DUSP10: variants seen among roughly 807,000 people sequenced by gnomAD.
DUSP10 encodes dual specificity protein phosphatase 10.
Under a neutral mutation model 30.8 loss-of-function variants are expected in DUSP10, and 14 were observed. The ratio of observed to expected loss-of-function variants is 0.46; its 90% CI spans 0.30 to 0.71. The LOEUF (loss-of-function observed/expected upper bound fraction) is 0.71. Among genes scored for constraint, DUSP10 ranks in the 30% least tolerant of loss-of-function variants. The pLI, the probability that DUSP10 is intolerant of heterozygous loss-of-function variation, is 0.08. For missense variants in DUSP10, 550 were observed against 619.4 expected, an observed-to-expected ratio of 0.89 and a Z score of 1.19; for synonymous variants, 254 against 250.4, an observed-to-expected ratio of 1.01 and a Z score of -0.14.
At chr1:221,720,388 C>T (rs538976674) in intron 2 of DUSP10, among the ~76,000 whole-genome samples, 14 of 152,356 alleles carry the variant, frequency 9.2e-5, no homozygotes, top group African/African-American at 3.4e-4. Context: ...ATGAAGCCCC[C>T]ATAAACCCCA....
chr1:221,733,013 T>A (rs560590101), intron 2 of DUSP10, among the ~76,000 whole-genome samples: 3 of 152,380 alleles, frequency 2.0e-5, no homozygotes, highest in Admixed American at 1.3e-4. Flanking sequence ...ATGTAGTCTA[T>A]CTTTTTCAAC....
intron 2 of DUSP10, among the ~76,000 whole-genome samples, chr1:221,707,570 T>C (rs1660804019): frequency 6.6e-6 from 1 of 152,170 alleles, no homozygotes; most frequent in South Asian, 2.1e-4. Flanking sequence ...CCTGAACAAG[T>C]GCAATCTCAC....
At chr1:221,725,152 C>A (rs534217163) in intron 2 of DUSP10, among the ~76,000 whole-genome samples, 2 of 152,146 alleles carry the variant, frequency 1.3e-5, no homozygotes, top group Non-Finnish European at 2.9e-5. Flanking sequence ...CACCGCCCAG[C>A]CAACAGCTAG....
chr1:221,725,962 C>T (rs115210097), intron 2 of DUSP10, among the ~76,000 whole-genome samples: 1,715 of 152,300 alleles, frequency 0.011, 48 homozygotes, highest in East Asian at 0.061. Context: ...TTTTTAATAG[C>T]GCTGAGTGGT....
At chr1:221,736,908 C>T (rs1168351884) in intron 2 of DUSP10, 4 of 985,354 alleles carry the variant, frequency 4.1e-6, no homozygotes, top group East Asian at 1.1e-4. Context: ...AATGACGAGG[C>T]CTCGCAGTGG....
chr1:221,719,191 A>G (rs1558121168), intron 2 of DUSP10, among the ~76,000 whole-genome samples: 1 of 152,246 alleles, frequency 6.6e-6, no homozygotes, highest in South Asian at 2.1e-4. Flanking sequence ...GTCAGCATCA[A>G]AATTTGAATT....
chr1:221,713,026 G>A (rs1660987399), intron 2 of DUSP10, among the ~76,000 whole-genome samples: 1 of 152,222 alleles, frequency 6.6e-6, no homozygotes, highest in African/African-American at 2.4e-5. Flanking sequence ...AAATGGAGCA[G>A]CAAAGCTAAC....
intron 2 of DUSP10, among the ~76,000 whole-genome samples, chr1:221,711,143 T>C (rs747423927): frequency 3.9e-5 from 6 of 152,188 alleles, no homozygotes; most frequent in Admixed American, 3.3e-4. Context: ...ACTGAAGCAA[T>C]GGATTCTAGT....
chr1:221,740,403 C>T (rs983689027), intron 1 of DUSP10, among the ~76,000 whole-genome samples: 16 of 152,196 alleles, frequency 1.1e-4, no homozygotes, highest in African/African-American at 3.9e-4. Flanking sequence ...CTTTGAAAAG[C>T]ACAACATAGT....
Position 221,706,309 on chromosome 1 carries a change from G to C in DUSP10, c.969C>G (p.Thr323=). The C allele has an allele frequency of 1.2e-6, 2 of 1,614,164 alleles. No individual in the cohort carries two copies. The highest frequency in any genetic ancestry group is 2.2e-5 in the East Asian group (1 of 44,872). ...CAAGGAACAGGAAGGGCAAGATGGG[G>C]GTGAGCTCAGCGTTCTCGATGTCAG... ...TTPDIENAEL[T]PILPFLFLGN... Residue 323 remains threonine (T), a synonymous_variant, in exon 3 of 4, where the codon ACC becomes ACG. Coordinates refer to ENST00000366899, the MANE Select transcript of DUSP10 (RefSeq NM_007207.6). This position sits in a 1 kb window ranked among gnomAD's most constrained non-coding sequence, Gnocchi z 4.6.
At chr1:221,731,636 G>A (rs1661599182) in intron 2 of DUSP10, among the ~76,000 whole-genome samples, 2 of 127,318 alleles carry the variant, frequency 1.6e-5, no homozygotes, top group Admixed American at 1.8e-4. Flanking sequence ...TTTTGCGACA[G>A]AGTCTCACTG....
chr1:221,738,010 AT>A (rs1276935728), intron 2 of DUSP10, among the ~76,000 whole-genome samples: 1 of 152,222 alleles, frequency 6.6e-6, no homozygotes, highest in Non-Finnish European at 1.5e-5. Flanking sequence ...CAGGTAAAAG[AT>A]GCCGAATGAG....
chr1:221,729,782 G>T (rs1661528043), intron 2 of DUSP10, among the ~76,000 whole-genome samples: 1 of 152,154 alleles, frequency 6.6e-6, no homozygotes, highest in Non-Finnish European at 1.5e-5. Flanking sequence ...CACCTCATGA[G>T]AACCATAAGA....
intron 2 of DUSP10, among the ~76,000 whole-genome samples, chr1:221,731,810 T>C (rs1661610095): frequency 6.6e-6 from 1 of 151,968 alleles, no homozygotes; most frequent in Non-Finnish European, 1.5e-5. Context: ...GGTTTCACCA[T>C]GTTGGCCAGG....
rs141576350 is a variant in DUSP10 at position 221,735,632 on chromosome 1, T to A, written c.811+3302A>T. ...GGTTGATAGGTGTATGGATGTTCAT[T>A]ACACACTTTTCTGCTTTTCTATATG... On this transcript the variant is annotated intron_variant, in intron 2 of 3. Coordinates refer to ENST00000366899, the MANE Select transcript of DUSP10 (RefSeq NM_007207.6). Among the ~76,000 whole-genome samples the A allele has an allele frequency of 1.9e-3, 297 of 152,348 alleles. 1 individual carries two copies. Among genetic ancestry groups the A allele is most frequent in the Middle Eastern group, 6.8e-3 (2 of 294 alleles).
At chr1:221,738,027 T>A (rs760269772) in intron 2 of DUSP10, among the ~76,000 whole-genome samples, 5 of 152,158 alleles carry the variant, frequency 3.3e-5, no homozygotes, top group African/African-American at 1.2e-4. Context: ...ATGAGAGTGA[T>A]GTACAGTGCC....
chr1:221,712,731 CT>C (rs1280335232), intron 2 of DUSP10, among the ~76,000 whole-genome samples: 2 of 106,850 alleles, frequency 1.9e-5, no homozygotes, highest in Admixed American at 2.6e-4. Context: ...ACAGATATAT[CT>C]TAAAAGCCAA....
In DUSP10 at chr1:221,735,779, A is replaced by G. The variant is rs535190911; in HGVS notation, c.811+3155T>C. On this transcript the variant is annotated intron_variant, in intron 2 of 3. Transcript: ENST00000366899. Reference sequence around the variant, plus strand: ...TATTTCCCTGGACCCAGCTTTACTGAAAAGAAAGGGAGCCTGAAAAACTTT... The same window carrying G: ...TATTTCCCTGGACCCAGCTTTACTGGAAAGAAAGGGAGCCTGAAAAACTTT... Among the ~76,000 whole-genome samples, 10 of 152,342 alleles carry G rather than the reference A, an allele frequency of 6.6e-5. No homozygotes were observed. In the South Asian group the frequency reaches 1.9e-3, roughly 28 times the overall value.
chr1:221,737,081 G>A (rs1571833882), intron 2 of DUSP10: 3 of 985,378 alleles, frequency 3.0e-6, no homozygotes, highest in African/African-American at 1.7e-5. Context: ...GCACCCAGGA[G>A]ATTCATTTCT....
Sources: allele counts gnomAD v4.1 joint callset (sites outside exome capture counted in the v4.1 genomes callset), GRCh38; gene constraint gnomAD v4.1.1; non-coding constraint Gnocchi (gnomAD v3.1); transcripts MANE v1.5; gene names NCBI Gene and HGNC (gene_info 2026-07-23, HGNC 2026-07-21).